RIPOR2: variants seen among roughly 807,000 people sequenced by gnomAD.
RIPOR2 encodes rho family-interacting cell polarization regulator 2.
Under a neutral mutation model 114.5 loss-of-function variants are expected in RIPOR2, and 39 were observed. That is an observed-to-expected ratio of 0.34 (90% CI 0.26 to 0.44). The LOEUF (loss-of-function observed/expected upper bound fraction) is 0.44. Among genes scored for constraint, RIPOR2 ranks in the 20% least tolerant of loss-of-function variants. The probability of loss-of-function intolerance (pLI) is 1.00; values close to 1 mark genes in which losing one functional copy is unlikely to be tolerated. For synonymous variants in RIPOR2, 445 were observed against 484.4 expected, an observed-to-expected ratio of 0.92 and a Z score of 1.07; for missense variants, 1,007 against 1,255.1, an observed-to-expected ratio of 0.80 and a Z score of 2.99.
At chr6:24,877,322 G>A (rs1408463705) in intron 1 of RIPOR2, 8 of 985,244 alleles carry the variant, frequency 8.1e-6, no homozygotes, top group Non-Finnish European at 9.6e-6. Context: ...CTCTCCAGGA[G>A]AGAGCAGCCC....
At chr6:24,825,501 G>T in intron 18 of RIPOR2, 73 bp from the exon 19 acceptor site, 1 of 1,076,308 alleles carries the variant, frequency 9.3e-7, no homozygotes, top group Non-Finnish European at 1.4e-6. Flanking sequence ...AATATAAATA[G>T]AACTCAAGTA....
At chr6:24,929,018 C>T (rs1771174931) in intron 1 of RIPOR2, among the ~76,000 whole-genome samples, 1 of 151,984 alleles carries the variant, frequency 6.6e-6, no homozygotes, top group Non-Finnish European at 1.5e-5. Flanking sequence ...TTTAAGCAAA[C>T]CGAGACATGA....
intron 1 of RIPOR2, chr6:25,024,147 G>T: frequency 9.4e-7 from 1 of 1,059,390 alleles, no homozygotes; most frequent in Non-Finnish European, 1.5e-6. Flanking sequence ...GGCGCCGCGG[G>T]ACACCCCCTC....
chr6:24,864,284 C>T (rs778793434), intron 7 of RIPOR2, among the ~76,000 whole-genome samples: 22 of 152,072 alleles, frequency 1.4e-4, no homozygotes, highest in East Asian at 1.9e-4. Flanking sequence ...GAGCCAAGAT[C>T]GCGCCACTGC....
At chr6:25,031,740 T>C (rs1776974540) in intron 1 of RIPOR2, among the ~76,000 whole-genome samples, 1 of 68,130 alleles carries the variant, frequency 1.5e-5, no homozygotes. Context: ...TATATATATA[T>C]ATATATATAT....
chr6:25,016,576 A>G (rs773244366), intron 1 of RIPOR2, among the ~76,000 whole-genome samples: 1 of 152,240 alleles, frequency 6.6e-6, no homozygotes, highest in Non-Finnish European at 1.5e-5. Context: ...TTGATCTTTG[A>G]ATGACAAAAT....
intron 1 of RIPOR2, chr6:24,976,858 G>A (rs1440039237): frequency 6.2e-7 from 1 of 1,609,812 alleles, no homozygotes; most frequent in East Asian, 2.2e-5. Flanking sequence ...TGGATGGCAA[G>A]CATGTGGTCT....
intron 1 of RIPOR2, among the ~76,000 whole-genome samples, chr6:24,915,248 A>G (rs1052501377): frequency 6.6e-6 from 1 of 151,906 alleles, no homozygotes; most frequent in Non-Finnish European, 1.5e-5. Context: ...CAGTTCTAAG[A>G]GTTTTGCACT....
At chr6:24,936,122 AT>A, upstream of RIPOR2, 1 of 495,264 alleles carries the variant, frequency 2.0e-6, no homozygotes, top group Non-Finnish European at 3.6e-6. Context: ...AGGAGAAAGA[AT>A]TTTTTGAAGA....
At chr6:25,013,967 G>T (rs1046493095) in intron 1 of RIPOR2, among the ~76,000 whole-genome samples, 1 of 152,190 alleles carries the variant, frequency 6.6e-6, no homozygotes, top group African/African-American at 2.4e-5. Flanking sequence ...GTTTTGGGAA[G>T]CAGGCCAAAA....
intron 1 of RIPOR2, among the ~76,000 whole-genome samples, chr6:24,886,092 C>T (rs967339107): frequency 5.5e-4 from 84 of 152,106 alleles, no homozygotes; most frequent in African/African-American, 1.9e-3. Context: ...ATTCATTCGT[C>T]GACATCTGCC....
intron 7 of RIPOR2, among the ~76,000 whole-genome samples, chr6:24,862,633 A>G (rs957814117): frequency 1.3e-5 from 2 of 152,158 alleles, no homozygotes; most frequent in Non-Finnish European, 2.9e-5. Context: ...TTATAAACCA[A>G]TTTATTTCCT....
chr6:24,861,511 T>C (rs1357518116), intron 7 of RIPOR2, among the ~76,000 whole-genome samples: 1 of 152,224 alleles, frequency 6.6e-6, no homozygotes, highest in Non-Finnish European at 1.5e-5. Context: ...TATAATTCTA[T>C]GGGATGATTG....
chr6:24,942,185 G>A (rs1313422189), intron 1 of RIPOR2, among the ~76,000 whole-genome samples: 1 of 152,122 alleles, frequency 6.6e-6, no homozygotes, highest in Non-Finnish European at 1.5e-5. Context: ...TTGAAAAAAT[G>A]AATTTTATTT....
chr6:24,810,962 G>A (rs750385528), intron 20 of RIPOR2, among the ~76,000 whole-genome samples: 12 of 151,746 alleles, frequency 7.9e-5, no homozygotes, highest in Admixed American at 1.3e-4. Flanking sequence ...GCGCCACCAC[G>A]CCTGGCTAAT....
intron 1 of RIPOR2, among the ~76,000 whole-genome samples, chr6:24,996,285 A>T (rs1299518852): frequency 6.6e-6 from 1 of 152,220 alleles, no homozygotes; most frequent in African/African-American, 2.4e-5. Context: ...AAAATCTACG[A>T]TAAACAAAAG....
At chr6:24,936,386 G>A (rs533820139), upstream of RIPOR2, among the ~76,000 whole-genome samples, 1 of 152,306 alleles carries the variant, frequency 6.6e-6, no homozygotes, top group Non-Finnish European at 1.5e-5. Context: ...CAGGCATTTA[G>A]AGGACAGAGC....
intron 7 of RIPOR2, among the ~76,000 whole-genome samples, chr6:24,862,146 C>CA (rs1764128154): frequency 6.6e-6 from 1 of 152,230 alleles, no homozygotes; most frequent in Non-Finnish European, 1.5e-5. Context: ...CTAAATAGAA[C>CA]AATTGCAGTT....
intron 1 of RIPOR2, among the ~76,000 whole-genome samples, chr6:24,960,167 G>T (rs1773238318): frequency 6.6e-6 from 1 of 152,174 alleles, no homozygotes; most frequent in Non-Finnish European, 1.5e-5. Context: ...TATGGAGGAT[G>T]CATGTTGTTG....
Sources: gnomAD v4.1 joint callset for allele counts (sites outside exome capture counted in the v4.1 genomes callset) on GRCh38, gnomAD v4.1.1 for gene constraint, MANE v1.5 for transcripts, NCBI Gene and HGNC (gene_info 2026-07-23, HGNC 2026-07-21) for gene names.